The following CDH4 variants were observed in gnomAD, a reference collection of about 807,000 sequenced individuals.
CDH4 encodes cadherin-4.
CDH4 carries 33 observed loss-of-function variants against 86.0 expected under a neutral mutation model. The observed-to-expected ratio is 0.38, with a 90% confidence interval of 0.29 to 0.51. The LOEUF (loss-of-function observed/expected upper bound fraction) is 0.51. Among genes scored for constraint, CDH4 ranks in the 20% least tolerant of loss-of-function variants. CDH4 has a pLI of 0.86. For synonymous variants in CDH4, 555 were observed against 549.4 expected (o/e 1.01, Z -0.14); for missense variants, 1,114 against 1,307.4 (o/e 0.85, Z 2.28).
chr20:61,687,319 G>A (rs117209137), intron 2 of CDH4, among the ~76,000 whole-genome samples: 277 of 152,282 alleles, frequency 1.8e-3, no homozygotes, highest in Non-Finnish European at 3.3e-3. Context: ...CTTGTTCAGG[G>A]GAGTTTCTTA....
intron 4 of CDH4, among the ~76,000 whole-genome samples, chr20:61,822,082 G>A (rs1981073775): frequency 6.6e-6 from 1 of 152,252 alleles, no homozygotes; most frequent in Admixed American, 6.5e-5. Flanking sequence ...GTGGGGCTCT[G>A]CGCTTTTATT....
intron 4 of CDH4, among the ~76,000 whole-genome samples, chr20:61,835,577 G>A (rs988510703): frequency 2.6e-5 from 4 of 151,010 alleles, no homozygotes; most frequent in African/African-American, 9.8e-5. Context: ...AGGAGGGTCG[G>A]CCCACAGAGG....
chr20:61,716,316 A>G (rs374247952), intron 2 of CDH4, among the ~76,000 whole-genome samples: 3,615 of 144,724 alleles, frequency 0.025, 225 homozygotes, highest in African/African-American at 0.09. Flanking sequence ...CTCCTCACCC[A>G]TGAGCTGCCT....
chr20:61,608,102 G>C lies in CDH4; in HGVS notation c.170-135461G>C, dbSNP rs565040342. Among the ~76,000 whole-genome samples the C allele has an allele frequency of 2.0e-5, 3 of 152,118 alleles. No individual in the cohort carries two copies. The South Asian group carries it at 6.2e-4, about 32-fold the overall frequency. ...TTCTCCCCTCGCCCCCAGACCCCAG[G>C]GTGTCTCCTGTGTTTCTGAGAAGAT... On this transcript the variant is annotated intron_variant, in intron 2 of 15. Transcript: ENST00000614565.
chr20:61,401,624 A>G (rs756385008), intron 2 of CDH4, among the ~76,000 whole-genome samples: 2 of 152,212 alleles, frequency 1.3e-5, no homozygotes, highest in Non-Finnish European at 2.9e-5. Flanking sequence ...CAGTTTCTTC[A>G]TATGGTGGGC....
intron 2 of CDH4, among the ~76,000 whole-genome samples, chr20:61,723,837 C>T (rs1224825810): frequency 6.6e-6 from 1 of 152,000 alleles, no homozygotes; most frequent in Non-Finnish European, 1.5e-5. Context: ...TGGAAGTGAA[C>T]ATGAGCCAGA....
At chr20:61,759,581 C>T (rs539161423) in intron 3 of CDH4, among the ~76,000 whole-genome samples, 1 of 152,260 alleles carries the variant, frequency 6.6e-6, no homozygotes, top group East Asian at 1.9e-4. Flanking sequence ...AAAATATGAA[C>T]GATTTCATTC....
intron 2 of CDH4, among the ~76,000 whole-genome samples, chr20:61,427,621 C>T (rs887923603): frequency 6.6e-6 from 1 of 152,038 alleles, no homozygotes; most frequent in Non-Finnish European, 1.5e-5. Context: ...TTCCAGTTTC[C>T]TGAGCAGGAT....
chr20:61,454,477 A>G (rs544928064), intron 2 of CDH4, among the ~76,000 whole-genome samples: 8 of 151,882 alleles, frequency 5.3e-5, no homozygotes, highest in Non-Finnish European at 7.4e-5. Context: ...ACGGAGTCTC[A>G]CTCTGTCCCC....
rs369799849 is a variant in CDH4 at position 61,417,815 on chromosome 20, C to T, written c.169+162878C>T. Among the ~76,000 whole-genome samples the T allele has an allele frequency of 2.3e-3, 352 of 152,198 alleles. 1 individual carries two copies. The highest frequency in any genetic ancestry group is 8.1e-3 in the African/African-American group (335 of 41,520). On this transcript the variant is annotated intron_variant, in intron 2 of 15. Coordinates refer to ENST00000614565, the MANE Select transcript of CDH4 (RefSeq NM_001794.5). This position sits in a 1 kb window ranked among gnomAD's most constrained non-coding sequence, Gnocchi z 4.0. Reference sequence around the variant, plus strand: ...CAGGAAGTCTGAGTTTGGAAGGCGCCGCCAGAGACTGCACTTCAGTGTACT... The same window carrying T: ...CAGGAAGTCTGAGTTTGGAAGGCGCTGCCAGAGACTGCACTTCAGTGTACT...
intron 2 of CDH4, among the ~76,000 whole-genome samples, chr20:61,327,318 C>T (rs953051431): frequency 6.6e-6 from 1 of 152,110 alleles, no homozygotes; most frequent in African/African-American, 2.4e-5. Flanking sequence ...TGACAATTTT[C>T]CTTGATAAAT....
chr20:61,794,892 G>T (rs996529245), intron 4 of CDH4, among the ~76,000 whole-genome samples: 3 of 152,012 alleles, frequency 2.0e-5, no homozygotes, highest in Non-Finnish European at 4.4e-5. Context: ...TAGGAAGAAC[G>T]TCAAACTGGC....
At chr20:61,804,089 C>T (rs1045307094) in intron 4 of CDH4, among the ~76,000 whole-genome samples, 4 of 152,264 alleles carry the variant, frequency 2.6e-5, no homozygotes, top group East Asian at 3.8e-4. Flanking sequence ...GGTAAGGAGG[C>T]ACGACAGAAA....
intron 4 of CDH4, among the ~76,000 whole-genome samples, chr20:61,789,446 G>T (rs1044413898): frequency 3.3e-5 from 5 of 152,176 alleles, no homozygotes; most frequent in Non-Finnish European, 5.9e-5. Flanking sequence ...GGCGGTGCCT[G>T]GGCTGGCACC....
chr20:61,902,158 C>G lies in CDH4; in HGVS notation c.1188+7111C>G, dbSNP rs559581527. ...TGTTCAGTCCTTGGAGTTCCAGAATCGTGAAAGGCGGGTCCTCGGCAGGCG... is the reference window on the plus strand; with the variant it reads ...TGTTCAGTCCTTGGAGTTCCAGAATGGTGAAAGGCGGGTCCTCGGCAGGCG... On this transcript the variant is annotated intron_variant, in intron 8 of 15. Coordinates refer to ENST00000614565, the MANE Select transcript of CDH4 (RefSeq NM_001794.5). This position sits in a 1 kb window ranked among gnomAD's most constrained non-coding sequence, Gnocchi z 4.6. 1.3e-5 allele frequency among the ~76,000 whole-genome samples: 2 copies of G among 152,194 alleles called. No individual in the cohort carries two copies. The highest frequency in any genetic ancestry group is 2.9e-5 in the Non-Finnish European group (2 of 68,048).
At chr20:61,899,018 C>T (rs113484497) in intron 8 of CDH4, among the ~76,000 whole-genome samples, 4,515 of 152,184 alleles carry the variant, frequency 0.03, 93 homozygotes, top group Non-Finnish European at 0.045. Flanking sequence ...GAGGGAGGGC[C>T]GGGCGCAGTG....
chr20:61,611,301 G>A (rs1324332159), intron 2 of CDH4, among the ~76,000 whole-genome samples: 3 of 152,072 alleles, frequency 2.0e-5, no homozygotes, highest in African/African-American at 7.3e-5. Flanking sequence ...GAATATACAG[G>A]GGTCCACCCT....
intron 2 of CDH4, among the ~76,000 whole-genome samples, chr20:61,726,540 T>C (rs1418091088): frequency 6.6e-6 from 1 of 152,072 alleles, no homozygotes; most frequent in African/African-American, 2.4e-5. Context: ...CCCAGGCATG[T>C]GGTATGGGCC....
chr20:61,887,623 C>T (rs1269611876), intron 7 of CDH4, among the ~76,000 whole-genome samples: 1 of 152,228 alleles, frequency 6.6e-6, no homozygotes. Flanking sequence ...ACATTGAAAG[C>T]ACCACAGCCA....
Sources: gnomAD v4.1 joint callset for allele counts (sites outside exome capture counted in the v4.1 genomes callset) on GRCh38, gnomAD v4.1.1 for gene constraint, Gnocchi (gnomAD v3.1) non-coding constraint, MANE v1.5 for transcripts, NCBI Gene and HGNC (gene_info 2026-07-23, HGNC 2026-07-21) for gene names.